Variants in DMD observed in about 807,000 individuals in gnomAD.
DMD encodes the protein dystrophin, also known as mutant dystrophin.
DMD carries 63 observed loss-of-function variants against 330.1 expected under a neutral mutation model. That is an observed-to-expected ratio of 0.19 (90% confidence interval 0.16 to 0.24). The LOEUF (loss-of-function observed/expected upper bound fraction) is 0.24, where lower values mean the gene tolerates loss of function less well. DMD is among the 10% of genes least tolerant of loss of function. The pLI is 1.00. For synonymous variants in DMD, 1,223 were observed against 959.8 expected (o/e 1.27, Z -5.07); for missense variants, 3,344 against 2,684.1 (o/e 1.25, Z -5.43).
intron 9 of DMD, among the ~76,000 whole-genome samples, chrX:32,661,255 T>C (rs1027807607): frequency 1.8e-5 from 2 of 111,429 alleles, no homozygotes; most frequent in Non-Finnish European, 3.8e-5. Flanking sequence ...ATCTAAATTC[T>C]TTTAGAATTT....
At chrX:32,755,450 C>T (rs1465521250) in intron 7 of DMD, among the ~76,000 whole-genome samples, 4 of 111,368 alleles carry the variant, frequency 3.6e-5, no homozygotes, top group Non-Finnish European at 5.7e-5. Flanking sequence ...GTAAGAATCC[C>T]TGAAATGTAT....
intron 9 of DMD, among the ~76,000 whole-genome samples, chrX:32,682,764 T>C (rs1026884129): frequency 2.7e-5 from 3 of 112,142 alleles, no homozygotes; most frequent in African/African-American, 9.7e-5. Flanking sequence ...AATATATTTC[T>C]TAGTTCTAAG....
intron 49 of DMD, among the ~76,000 whole-genome samples, chrX:31,830,311 C>G (rs760757733): frequency 1.9e-4 from 22 of 112,880 alleles, no homozygotes; most frequent in Non-Finnish European, 3.6e-4. Context: ...AAGATCACAT[C>G]TGGCTGGGTG....
intron 1 of DMD, among the ~76,000 whole-genome samples, chrX:33,256,990 C>T (rs771449846): frequency 3.6e-5 from 4 of 110,484 alleles, no homozygotes; most frequent in African/African-American, 1.3e-4. Flanking sequence ...CACCATTTTA[C>T]GATATGTGCA....
chrX:33,234,896 A>C (rs956830123), intron 1 of DMD, among the ~76,000 whole-genome samples: 2 of 111,705 alleles, frequency 1.8e-5, no homozygotes, highest in African/African-American at 6.5e-5. Context: ...TAAGCTTGTC[A>C]CCACATGGAT....
In DMD at chrX:32,830,214, G is replaced by T. The variant is rs776224110; in HGVS notation, c.265-6827C>A. Among the ~76,000 whole-genome samples the T allele has an allele frequency of 9.0e-5, 10 of 111,170 alleles. No individual in the cohort carries two copies. The South Asian group carries it at 3.8e-3, about 42-fold the overall frequency. ...AATGCTGTATTTCTTACTATTAGCT[G>T]TAAGTCATAACATTTTTCTGAATTC... On this transcript the variant is annotated intron_variant, in intron 4 of 78. Transcript: ENST00000357033.
intron 43 of DMD, among the ~76,000 whole-genome samples, chrX:32,224,907 C>A (rs756612528): frequency 9.1e-4 from 102 of 111,487 alleles, no homozygotes; most frequent in South Asian, 7.9e-3. Flanking sequence ...TCCCTTATTT[C>A]TCATAACTTC....
intron 51 of DMD, among the ~76,000 whole-genome samples, chrX:31,742,094 A>G (rs2087396395): frequency 8.9e-6 from 1 of 111,906 alleles, no homozygotes; most frequent in Non-Finnish European, 1.9e-5. Flanking sequence ...GCATTCACAG[A>G]ATTGCAGAGA....
At chrX:31,671,663 G>A (rs924916138) in intron 53 of DMD, among the ~76,000 whole-genome samples, 5 of 111,747 alleles carry the variant, frequency 4.5e-5, no homozygotes, top group African/African-American at 1.6e-4. Context: ...TCAATTTCTT[G>A]TTATAGGTCT....
chrX:31,134,942 C>T (rs1391919560), intron 76 of DMD, among the ~76,000 whole-genome samples: 1 of 111,311 alleles, frequency 9.0e-6, no homozygotes, highest in Non-Finnish European at 1.9e-5. Context: ...AATCCCAGCC[C>T]TTTGGGAAGC....
chrX:31,626,267 G>A (rs1244707654), intron 55 of DMD, among the ~76,000 whole-genome samples: 2 of 111,689 alleles, frequency 1.8e-5, no homozygotes, highest in African/African-American at 6.5e-5. Flanking sequence ...TTACAGGCAT[G>A]AGCCACCGCA....
chrX:32,995,178 A>ACTT (rs1381625502), intron 2 of DMD, among the ~76,000 whole-genome samples: 1 of 112,664 alleles, frequency 8.9e-6, no homozygotes, highest in Non-Finnish European at 1.9e-5. Context: ...AATGCTTGAC[A>ACTT]CTTAATAAAG....
intron 45 of DMD, among the ~76,000 whole-genome samples, chrX:31,961,742 T>TTTTTTTTTTTTTTTTTTTTTTTTG (rs1569523664): frequency 1.1e-5 from 1 of 90,411 alleles, no homozygotes; most frequent in African/African-American, 5.2e-5. Context: ...AGGAAGCGGT[T>TTTTTTTTTTTTTTTTTTTTTTTTG]TTTTTTTTTT....
At chrX:31,925,912 T>C (rs1183862535) in intron 47 of DMD, among the ~76,000 whole-genome samples, 1 of 107,464 alleles carries the variant, frequency 9.3e-6, no homozygotes, top group African/African-American at 3.4e-5. Flanking sequence ...CTAATAAATA[T>C]ATAAAAATAA....
chrX:33,266,195 A>G (rs976763758), intron 1 of DMD, among the ~76,000 whole-genome samples: 1 of 111,652 alleles, frequency 9.0e-6, no homozygotes, highest in African/African-American at 3.2e-5. Flanking sequence ...ATCACAACTC[A>G]TTGCTTTACC....
Position 32,374,799 on chromosome X carries a change from T to C in DMD, c.4845+5711A>G, listed in dbSNP as rs751668846. Among the ~76,000 whole-genome samples the C allele has an allele frequency of 2.7e-5, 3 of 111,994 alleles. No homozygotes were observed. In the South Asian group the frequency reaches 1.1e-3, roughly 42 times the overall value. On this transcript the variant is annotated intron_variant, in intron 34 of 78. Coordinates refer to ENST00000357033, the MANE Select transcript of DMD (RefSeq NM_004006.3). ...TTAGCTGTTCAGGCCCTTTCTTGGTTCCATATGAATTTTAGAATTGTTACA... is the reference window on the plus strand; with the variant it reads ...TTAGCTGTTCAGGCCCTTTCTTGGTCCCATATGAATTTTAGAATTGTTACA...
intron 44 of DMD, among the ~76,000 whole-genome samples, chrX:32,026,930 G>A (rs932798163): frequency 9.0e-6 from 1 of 110,758 alleles, no homozygotes; most frequent in Non-Finnish European, 1.9e-5. Flanking sequence ...GATGGAAAAG[G>A]TATGCCTGCA....
intron 44 of DMD, among the ~76,000 whole-genome samples, chrX:32,186,897 C>T (rs1345727835): frequency 1.8e-5 from 2 of 110,827 alleles, no homozygotes; most frequent in African/African-American, 3.3e-5. Flanking sequence ...ACACATAGAA[C>T]TTGTAATTTA....
At chrX:31,373,551 G>C (rs1413637079) in intron 60 of DMD, among the ~76,000 whole-genome samples, 157 of 104,487 alleles carry the variant, frequency 1.5e-3, no homozygotes, top group African/African-American at 5.2e-3. Context: ...ACAAACCTGA[G>C]AAAAACAAGC....
Sources: allele counts gnomAD v4.1 joint callset (sites outside exome capture counted in the v4.1 genomes callset), GRCh38; gene constraint gnomAD v4.1.1; transcripts MANE v1.5; gene names NCBI Gene and HGNC (gene_info 2026-07-23, HGNC 2026-07-21).